ZBBX: variants seen among roughly 807,000 people sequenced by gnomAD.
ZBBX encodes the protein zinc finger B-box domain containing, also known as zinc finger B-box domain-containing protein 1.
In ZBBX, 101 loss-of-function variants were observed where a neutral mutation model predicts 108.5. The ratio of observed to expected loss-of-function variants is 0.93; its 90% CI spans 0.79 to 1.10. The LOEUF is 1.10. Ranked by LOEUF, ZBBX falls within the 50% of genes least tolerant of loss-of-function variation. ZBBX has a pLI of 0.00. For missense variants in ZBBX, 1,009 were observed against 941.4 expected (o/e 1.07, Z -0.94); for synonymous variants, 356 against 323.4 (o/e 1.10, Z -1.08).
upstream of ZBBX, among the ~76,000 whole-genome samples, chr3:167,384,165 G>A (rs1028977907): frequency 6.6e-6 from 1 of 152,012 alleles, no homozygotes; most frequent in Non-Finnish European, 1.5e-5. Flanking sequence ...AATTCTGGTG[G>A]CAATGTAAAA....
At chr3:167,255,132 A>C (rs1723274862) in intron 20 of ZBBX, among the ~76,000 whole-genome samples, 1 of 152,168 alleles carries the variant, frequency 6.6e-6, no homozygotes, top group Admixed American at 6.6e-5. Context: ...TTCTACCTGC[A>C]GGGAAAAATT....
At chr3:167,235,193 G>C (rs752037075), downstream of ZBBX, among the ~76,000 whole-genome samples, 6 of 151,538 alleles carry the variant, frequency 4.0e-5, no homozygotes, top group African/African-American at 7.3e-5. Context: ...TATTCTTATA[G>C]GGCTATGACA....
At chr3:167,279,737 GA>G (rs1236721553) in intron 20 of ZBBX, among the ~76,000 whole-genome samples, 1 of 151,740 alleles carries the variant, frequency 6.6e-6, no homozygotes, top group African/African-American at 2.4e-5. Context: ...CACAGAATTG[GA>G]AAAAACTACT....
chr3:167,179,949 C>T, the ZBBX span, among the ~76,000 whole-genome samples: 90 of 152,248 alleles, frequency 5.9e-4, no homozygotes, highest in African/African-American at 2.0e-3. Context: ...TTTTTGCCTT[C>T]GTGAGGACAA....
chr3:167,330,806 A>G (rs13065622), intron 10 of ZBBX, among the ~76,000 whole-genome samples: 10 of 90,852 alleles, frequency 1.1e-4, no homozygotes, highest in Admixed American at 8.3e-4. Context: ...GAAGAAGAAG[A>G]AGGAGGAGGA....
intron 1 of ZBBX, among the ~76,000 whole-genome samples, chr3:167,388,742 A>G (rs559138102): frequency 6.6e-6 from 1 of 152,008 alleles, no homozygotes; most frequent in South Asian, 2.1e-4. Context: ...GTCACTTTGT[A>G]TTTACTGGTC....
At chr3:167,313,422 C>T (rs1188027808) in intron 16 of ZBBX, among the ~76,000 whole-genome samples, 1 of 151,978 alleles carries the variant, frequency 6.6e-6, no homozygotes, top group African/African-American at 2.4e-5. Context: ...ATTATAGGCA[C>T]CTGCCACCAT....
rs1248092450 is a variant in ZBBX, at chr3:167,298,357, A to G, written c.1827T>C (p.Leu609=). The G allele has an allele frequency of 1.2e-6, 2 of 1,602,200 alleles. No individual in the cohort carries two copies. The highest frequency in any genetic ancestry group is 2.7e-5 in the African/African-American group (2 of 74,584). Residue 609 remains leucine (L), a synonymous_variant, in exon 18 of 22, where the codon CTT becomes CTC. Coordinates refer to ENST00000675490, the MANE Select transcript of ZBBX (RefSeq NM_001199201.2). ...TGTTGCATTCTAAACGATGAGAAGG[A>G]AGTAAGTTGAGTCTTTCATTTGTAT... ...IFDTNERLNL[L]PSHRLECNNS... is the part of the protein sequence containing the mutation.
At chr3:167,300,609 CTTT>C (rs59816017) in intron 17 of ZBBX, among the ~76,000 whole-genome samples, 2 of 141,772 alleles carry the variant, frequency 1.4e-5, no homozygotes. Flanking sequence ...CCCACCAACC[CTTT>C]TTTTTTTTTT....
intron 20 of ZBBX, among the ~76,000 whole-genome samples, chr3:167,248,827 G>A (rs969962861): frequency 3.9e-5 from 6 of 152,222 alleles, no homozygotes; most frequent in Non-Finnish European, 8.8e-5. Context: ...TGGGGGCAAA[G>A]GTGAGGGTGG....
intron 11 of ZBBX, among the ~76,000 whole-genome samples, chr3:167,323,641 T>C (rs1212314466): frequency 6.6e-6 from 1 of 152,116 alleles, no homozygotes; most frequent in Non-Finnish European, 1.5e-5. Flanking sequence ...TTTGCTCCCT[T>C]CTTTCATGGT....
chr3:167,382,822 C>A (rs1192969186), upstream of ZBBX, among the ~76,000 whole-genome samples: 1 of 152,016 alleles, frequency 6.6e-6, no homozygotes, highest in African/African-American at 2.4e-5. Flanking sequence ...TTTTCACCTG[C>A]ATTTTTCATA....
At position 167,262,837 on chromosome 3, in the gene ZBBX, A is replaced by G. The variant is rs910792897; in HGVS notation, c.2254+19401T>C. On this transcript the variant is annotated intron_variant, in intron 20 of 21. Transcript: ENST00000675490. ...TTCTTTTTCATCACTGATTTTATCT[A>G]TTTGGCTCTTCTCTCATTTTTCCTT... 5.3e-5 allele frequency among the ~76,000 whole-genome samples: 8 copies of G among 152,128 alleles called. No individual in the cohort carries two copies. The South Asian group carries it at 8.3e-4, about 16-fold the overall frequency.
At chr3:167,343,529 A>G (rs1740917523) in intron 9 of ZBBX, among the ~76,000 whole-genome samples, 1 of 151,942 alleles carries the variant, frequency 6.6e-6, no homozygotes, top group African/African-American at 2.4e-5. Context: ...ACTAAAGTGC[A>G]GGCTACTGAA....
intron 11 of ZBBX, among the ~76,000 whole-genome samples, chr3:167,325,221 AATGAAGAC>A (rs1237934454): frequency 4.6e-5 from 7 of 152,098 alleles, no homozygotes; most frequent in African/African-American, 1.7e-4. Flanking sequence ...TCACGCTGCT[AATGAAGAC>A]ATACCCGAGA....
the ZBBX span, among the ~76,000 whole-genome samples, chr3:167,199,315 T>C: frequency 6.6e-6 from 1 of 152,198 alleles, no homozygotes; most frequent in Non-Finnish European, 1.5e-5. Flanking sequence ...CCAGTTCATC[T>C]GGCCCTATTT....
intron 20 of ZBBX, among the ~76,000 whole-genome samples, chr3:167,251,528 C>T (rs1722603628): frequency 2.0e-5 from 3 of 152,250 alleles, no homozygotes; most frequent in Non-Finnish European, 2.9e-5. Flanking sequence ...ACACCCCCAT[C>T]GCACGCCCTG....
rs549540420 is a variant in ZBBX, at chr3:167,250,792, G to A, written c.2255-8149C>T. ...AGGAAGTGCTGAGTAGAGAAAGGCA[G>A]GTCCCTGGCTAGGGCTCCACTCCCT... On this transcript the variant is annotated intron_variant, in intron 20 of 21. Coordinates refer to ENST00000675490, the MANE Select transcript of ZBBX (RefSeq NM_001199201.2). Among the ~76,000 whole-genome samples the A allele has an allele frequency of 2.0e-5, 3 of 152,208 alleles. No homozygotes were observed. In the East Asian group the frequency reaches 5.8e-4, roughly 29 times the overall value.
At chr3:167,322,308 T>G in intron 11 of ZBBX, 71 bp from the exon 12 acceptor site, 1 of 1,275,644 alleles carries the variant, frequency 7.8e-7, no homozygotes, top group Non-Finnish European at 1.0e-6. Context: ...TCTCTTAAGA[T>G]GTAGAACTCA....
Sources: gnomAD v4.1 joint callset for allele counts (sites outside exome capture counted in the v4.1 genomes callset) on GRCh38, gnomAD v4.1.1 for gene constraint, MANE v1.5 for transcripts, NCBI Gene and HGNC (gene_info 2026-07-23, HGNC 2026-07-21) for gene names.